SSBP2: variants seen among roughly 807,000 people sequenced by gnomAD.
SSBP2 encodes the protein single-stranded DNA-binding protein 2.
In SSBP2, 17 loss-of-function variants were observed where a neutral mutation model predicts 61.8. The observed-to-expected ratio is 0.28, with a 90% CI of 0.19 to 0.41. The LOEUF (loss-of-function observed/expected upper bound fraction) is 0.41, where lower values mean the gene tolerates loss of function less well. Among genes scored for constraint, SSBP2 ranks in the 10% least tolerant of loss-of-function variants. The pLI is 1.00. For missense variants in SSBP2, 310 were observed against 458.7 expected (o/e 0.68, Z 2.96); for synonymous variants, 139 against 141.3 (o/e 0.98, Z 0.12).
intron 6 of SSBP2, among the ~76,000 whole-genome samples, chr5:81,488,881 T>A (rs1241356921): frequency 6.6e-6 from 1 of 151,968 alleles, no homozygotes; most frequent in Non-Finnish European, 1.5e-5. Context: ...AGTTTTTAAA[T>A]TAGGTTCGAA....
intron 8 of SSBP2, among the ~76,000 whole-genome samples, chr5:81,468,052 T>G (rs533252993): frequency 6.6e-6 from 1 of 152,118 alleles, no homozygotes; most frequent in Admixed American, 6.6e-5. Context: ...TTTGTTTCCA[T>G]CTGGATACCA....
chr5:81,729,458 T>TG (rs1317440198), intron 1 of SSBP2, among the ~76,000 whole-genome samples: 2 of 152,180 alleles, frequency 1.3e-5, no homozygotes, highest in East Asian at 3.9e-4. Context: ...CCTATGGGGC[T>TG]GGGGGTTGTA....
At chr5:81,601,101 ACTAGTTGTTT>A in intron 4 of SSBP2, among the ~76,000 whole-genome samples, 1 of 152,324 alleles carries the variant, frequency 6.6e-6, no homozygotes, top group Non-Finnish European at 1.5e-5. Flanking sequence ...TTACCAGTAT[ACTAGTTGTTT>A]ATTAACAGAT....
At chr5:81,565,607 TTA>T (rs1446048447) in intron 4 of SSBP2, among the ~76,000 whole-genome samples, 1 of 152,156 alleles carries the variant, frequency 6.6e-6, no homozygotes. Context: ...CATACTTCCA[TTA>T]TAGAATTATC....
At chr5:81,513,560 G>T in intron 5 of SSBP2, 68 bp downstream of exon 5, 2 of 953,704 alleles carry the variant, frequency 2.1e-6, no homozygotes, top group Non-Finnish European at 1.7e-6. Flanking sequence ...ATCTTCCTTC[G>T]TATCTTTAAT....
Position 81,458,182 on chromosome 5 carries a change from G to A in SSBP2, c.687+2873C>T, listed in dbSNP as rs572193282. ...CAAGTTAAAGGAGACAAAGAGACACGAAGTGAATGTAACAAGTAAATTGGG... is the reference window on the plus strand; with the variant it reads ...CAAGTTAAAGGAGACAAAGAGACACAAAGTGAATGTAACAAGTAAATTGGG... On this transcript the variant is annotated intron_variant, in intron 10 of 16. Coordinates refer to ENST00000320672, the MANE Select transcript of SSBP2 (RefSeq NM_012446.5). Among the ~76,000 whole-genome samples, 178 of 152,288 alleles carry A rather than the reference G, an allele frequency of 1.2e-3. 2 individuals are homozygous for A. The highest frequency in any genetic ancestry group is 4.1e-3 in the African/African-American group (170 of 41,568).
intron 4 of SSBP2, among the ~76,000 whole-genome samples, chr5:81,558,540 A>C (rs1033922422): frequency 6.6e-6 from 1 of 152,198 alleles, no homozygotes; most frequent in African/African-American, 2.4e-5. Context: ...TTAATAGATG[A>C]ATGTTGGCAA....
At chr5:81,615,222 A>C in intron 4 of SSBP2, 1 of 309,958 alleles carries the variant, frequency 3.2e-6, no homozygotes, top group Non-Finnish European at 5.8e-6. Context: ...CACAAATCAG[A>C]CATGCTTAAA....
intron 4 of SSBP2, among the ~76,000 whole-genome samples, chr5:81,583,362 GCT>G (rs1380150152): frequency 3.3e-5 from 5 of 152,122 alleles, no homozygotes; most frequent in African/African-American, 1.2e-4. Context: ...GGGCGCAGTG[GCT>G]CACGCTTGTA....
At chr5:81,443,471 A>G (rs1763166056) in intron 12 of SSBP2, among the ~76,000 whole-genome samples, 1 of 152,186 alleles carries the variant, frequency 6.6e-6, no homozygotes, top group Non-Finnish European at 1.5e-5. Flanking sequence ...AAGGCTAAAT[A>G]TTTTACATTG....
At chr5:81,483,660 T>C (rs965873599) in intron 6 of SSBP2, among the ~76,000 whole-genome samples, 4 of 152,128 alleles carry the variant, frequency 2.6e-5, no homozygotes, top group African/African-American at 9.7e-5. Context: ...AACACCACTG[T>C]CATTTTATTC....
upstream of SSBP2, among the ~76,000 whole-genome samples, chr5:81,751,487 G>C (rs1173705905): frequency 6.6e-6 from 1 of 152,084 alleles, no homozygotes; most frequent in Non-Finnish European, 1.5e-5. Context: ...GAAGGCGCCG[G>C]GAGGAGGAGA....
In SSBP2 at chr5:81,428,648, C is replaced by G. The variant is rs758786150; in HGVS notation, c.993G>C (p.Pro331=). Residue 331 remains proline, a synonymous_variant, in exon 16 of 17, where the codon CCG becomes CCC. Transcript: ENST00000320672. The stretch of plus-strand genomic sequence containing the variant: ...TTTCGCCATCATCCCTTGGAGTGCC[C>G]GGTTGATTACTCAGGCTCATATTAT... 45 of 1,613,170 alleles carry G rather than the reference C, an allele frequency of 2.8e-5. No individual in the cohort carries two copies. In the South Asian group the frequency reaches 4.9e-4, roughly 18 times the overall value.
At chr5:81,690,501 T>A (rs1753122483) in intron 1 of SSBP2, among the ~76,000 whole-genome samples, 2 of 152,072 alleles carry the variant, frequency 1.3e-5, no homozygotes, top group African/African-American at 4.8e-5. Flanking sequence ...CATTATATAA[T>A]GATAAAGTGA....
chr5:81,543,477 C>T (rs186540664), intron 4 of SSBP2, among the ~76,000 whole-genome samples: 3 of 152,048 alleles, frequency 2.0e-5, no homozygotes, highest in Admixed American at 6.5e-5. Context: ...ATAACGATGC[C>T]AGCAATAGAC....
At chr5:81,679,505 T>C (rs368385350) in intron 1 of SSBP2, among the ~76,000 whole-genome samples, 8 of 152,346 alleles carry the variant, frequency 5.3e-5, no homozygotes, top group Middle Eastern at 6.8e-3. Flanking sequence ...TATAGTGGTA[T>C]AGTGTTATTT....
chr5:81,660,595 G>A (rs541956681), intron 1 of SSBP2, among the ~76,000 whole-genome samples: 3 of 152,282 alleles, frequency 2.0e-5, no homozygotes, highest in East Asian at 1.9e-4. Context: ...GGAAGACAGT[G>A]TGGCAATTCC....
intron 8 of SSBP2, among the ~76,000 whole-genome samples, chr5:81,468,019 C>T (rs1016293329): frequency 6.6e-6 from 1 of 152,018 alleles, no homozygotes; most frequent in African/African-American, 2.4e-5. Context: ...TCCCAGATAA[C>T]TCATACGTTG....
intron 4 of SSBP2, among the ~76,000 whole-genome samples, chr5:81,585,846 T>C (rs2153492048): frequency 6.6e-6 from 1 of 152,310 alleles, no homozygotes; most frequent in South Asian, 2.1e-4. Flanking sequence ...ACCACCATTC[T>C]ACTCTCCATT....
Sources: allele counts gnomAD v4.1 joint callset (sites outside exome capture counted in the v4.1 genomes callset), GRCh38; gene constraint gnomAD v4.1.1; transcripts MANE v1.5; gene names NCBI Gene and HGNC (gene_info 2026-07-23, HGNC 2026-07-21).